DCAF13: variants seen among roughly 807,000 people sequenced by gnomAD.
The protein encoded by DCAF13 is DDB1- and CUL4-associated factor 13.
Under a neutral mutation model 59.0 loss-of-function variants are expected in DCAF13, and 38 were observed. The observed-to-expected ratio is 0.64, with a 90% CI of 0.50 to 0.84. The LOEUF is 0.84. Among genes scored for constraint, DCAF13 ranks in the 40% least tolerant of loss-of-function variants. The pLI is 0.00. For missense variants in DCAF13, 469 were observed against 558.4 expected (o/e 0.84, Z 1.61); for synonymous variants, 173 against 175.0 (o/e 0.99, Z 0.09).
Position 103,426,050 on chromosome 8 carries a change from T to C in DCAF13, c.379-6T>C. ...ACCATCATCATAATAAAACAAATATTTCTAGGTTGGTGATGACAAAACTGT... is the reference window on the plus strand; with the variant it reads ...ACCATCATCATAATAAAACAAATATCTCTAGGTTGGTGATGACAAAACTGT... On this transcript the variant is annotated splice_polypyrimidine_tract_variant and splice_region_variant and intron_variant, in intron 3 of 10. Coordinates refer to ENST00000612750, the MANE Select transcript of DCAF13 (RefSeq NM_015420.7). 3 of 1,604,740 alleles carry C rather than the reference T, an allele frequency of 1.9e-6. No homozygotes were observed. Among genetic ancestry groups the C allele is most frequent in the Non-Finnish European group, 2.6e-6 (3 of 1,171,738 alleles).
At chr8:103,441,199 TG>T in intron 9 of DCAF13, 1 of 336,762 alleles carries the variant, frequency 3.0e-6, no homozygotes, top group South Asian at 4.7e-5. Flanking sequence ...GTGATCCACG[TG>T]GCCCTACTCC....
intron 1 of DCAF13, among the ~76,000 whole-genome samples, chr8:103,418,349 G>A (rs1037990333): frequency 4.6e-5 from 7 of 151,382 alleles, no homozygotes; most frequent in South Asian, 2.1e-4. Context: ...GGAGACCCCC[G>A]TCTCTACAAA....
At chr8:103,434,351 C>T (rs943323447) in intron 7 of DCAF13, among the ~76,000 whole-genome samples, 4 of 152,024 alleles carry the variant, frequency 2.6e-5, no homozygotes, top group Non-Finnish European at 4.4e-5. Flanking sequence ...TAAAGGTTTT[C>T]CATGTACACA....
At chr8:103,426,252 G>A (rs1816791606) in intron 4 of DCAF13, 107 bp downstream of exon 4, 2 of 652,184 alleles carry the variant, frequency 3.1e-6, no homozygotes, top group Non-Finnish European at 2.5e-6. Context: ...GATAAGAAAC[G>A]AAAGACTTTA....
In DCAF13 at chr8:103,415,423, A is replaced by C; in HGVS notation, c.-24A>C. On this transcript the variant is annotated 5_prime_UTR_variant, in exon 1 of 11. Coordinates refer to ENST00000612750, the MANE Select transcript of DCAF13 (RefSeq NM_015420.7). ...GGAACTCCTAGCGGACACCTCGTGG[A>C]GTCCGGCCGGAAGAGCAACCGAGAT... 1.9e-6 allele frequency: 3 copies of C among 1,614,146 alleles called. No individual in the cohort carries two copies. The African/African-American group carries it at 4.0e-5, about 22-fold the overall frequency.
intron 8 of DCAF13, among the ~76,000 whole-genome samples, chr8:103,438,222 A>G (rs1816959891): frequency 6.6e-6 from 1 of 152,212 alleles, no homozygotes; most frequent in Admixed American, 6.5e-5. Context: ...TGGAGATTAT[A>G]AGAAATGAGT....
intron 8 of DCAF13, among the ~76,000 whole-genome samples, chr8:103,437,227 A>C (rs1156237959): frequency 6.6e-6 from 1 of 152,172 alleles, no homozygotes; most frequent in Non-Finnish European, 1.5e-5. Flanking sequence ...AATAGCTTCC[A>C]TATTTCTCTC....
In DCAF13 at chr8:103,430,675, A is replaced by G. The variant is rs775707351; in HGVS notation, c.688A>G (p.Thr230Ala). The G allele has an allele frequency of 5.0e-6, 8 of 1,607,964 alleles. No individual in the cohort carries two copies. In the South Asian group the frequency reaches 7.8e-5, roughly 16 times the overall value. Residue 230 changes from threonine (T) to alanine (A), a missense_variant, in exon 6 of 11, where the codon ACT (threonine) becomes GCT (alanine). Physicochemically the swap from Thr to Ala is moderately conservative, Grantham distance 58. Transcript: ENST00000612750. ...NIVLYDMRQA[T>A]PLKKVILDMR... ...AGTACTGTACGATATGAGGCAAGCT[A>G]CTCCTTTGAAAAAGGTGAGTTTCAG...
At chr8:103,420,512 A>G (rs747306618) in intron 2 of DCAF13, 49 bp downstream of exon 2, 5 of 1,552,386 alleles carry the variant, frequency 3.2e-6, no homozygotes, top group Non-Finnish European at 3.5e-6. Context: ...GTTATATTAC[A>G]AATGTTTTCC....
chr8:103,438,314 A>G (rs1816960903), intron 8 of DCAF13, among the ~76,000 whole-genome samples: 1 of 152,196 alleles, frequency 6.6e-6, no homozygotes, highest in Non-Finnish European at 1.5e-5. Context: ...GTTCTTTTTA[A>G]TCATCCCCTC....
intron 3 of DCAF13, among the ~76,000 whole-genome samples, chr8:103,423,783 A>G (rs772923501): frequency 6.6e-6 from 1 of 152,206 alleles, no homozygotes; most frequent in African/African-American, 2.4e-5. Flanking sequence ...TCATAAATAT[A>G]TATCTTTTAT....
At chr8:103,430,717 A>C (rs760659295) in intron 6 of DCAF13, 28 bp downstream of exon 6, 1 of 1,527,174 alleles carries the variant, frequency 6.5e-7, no homozygotes, top group East Asian at 2.3e-5. Flanking sequence ...CTTTTGCTTT[A>C]TACAGTTGGC....
At chr8:103,422,418 T>C (rs1816734035) in intron 3 of DCAF13, among the ~76,000 whole-genome samples, 1 of 152,050 alleles carries the variant, frequency 6.6e-6, no homozygotes, top group South Asian at 2.1e-4. Context: ...AATACAAAGA[T>C]GTCAAGGAAG....
intron 8 of DCAF13, among the ~76,000 whole-genome samples, chr8:103,439,246 C>T (rs1312100015): frequency 6.6e-6 from 1 of 152,096 alleles, no homozygotes; most frequent in Non-Finnish European, 1.5e-5. Flanking sequence ...CTACTGCAGC[C>T]TCCCAAAGTG....
chr8:103,421,664 T>A (rs1816725145), intron 3 of DCAF13, among the ~76,000 whole-genome samples: 1 of 152,220 alleles, frequency 6.6e-6, no homozygotes, highest in African/African-American at 2.4e-5. Context: ...CTATTCTGGG[T>A]ACCTCATATA....
rs1351785577 is a variant in DCAF13, at chr8:103,432,735, A to T, written c.779A>T (p.Asp260Val). Residue 260 changes from aspartate to valine, a missense_variant, in exon 7 of 11, where the codon GAT becomes GTT. By Grantham distance (152) the Asp-to-Val change is radical (BLOSUM62 -3). Around this residue, in one of 3 missense-constraint regions of DCAF13, gnomAD observed 355 missense variants for 399.1 expected, o/e 0.89. Transcript: ENST00000612750. ...TTCATTTTTACAGCAGCAAATGAAG[A>T]TTATAAGTAAGTTTCCCTCTTTTAA... ...EAFIFTAANE[D>V]YNLYTFDMRA... 1 of 1,589,142 alleles carries T rather than the reference A, an allele frequency of 6.3e-7. No homozygotes were observed. The highest frequency in any genetic ancestry group is 1.3e-5 in the African/African-American group (1 of 74,376).
chr8:103,434,675 A>G (rs1426454412), intron 7 of DCAF13, among the ~76,000 whole-genome samples: 1 of 152,008 alleles, frequency 6.6e-6, no homozygotes, highest in Non-Finnish European at 1.5e-5. Flanking sequence ...TAATCTTAGC[A>G]TCTTCAAGTA....
intron 5 of DCAF13, 170 bp from the exon 6 acceptor site, chr8:103,430,442 A>T (rs2130488088): frequency 2.1e-6 from 1 of 465,316 alleles, no homozygotes; most frequent in East Asian, 3.5e-5. Context: ...TTTACAGTGA[A>T]AATACTTGGT....
At chr8:103,418,864 ATATTTTTTTTTTTTTTTTTTTTTTTTT>A (rs1483033138) in intron 1 of DCAF13, among the ~76,000 whole-genome samples, 280 of 27,956 alleles carry the variant, frequency 0.01, 15 homozygotes, top group African/African-American at 0.056. Flanking sequence ...ATATATATAT[ATATTTTTTTTTTTTTTTTTTTTTTTTT>A]TTTTTTTTTT....
Sources: gnomAD v4.1 joint callset for allele counts (sites outside exome capture counted in the v4.1 genomes callset) on GRCh38, gnomAD v4.1.1 for gene constraint, gnomAD v4.1.1 regional missense constraint, MANE v1.5 for transcripts, NCBI Gene and HGNC (gene_info 2026-07-23, HGNC 2026-07-21) for gene names.